Variants in MYT1L observed in about 807,000 individuals in gnomAD.
MYT1L encodes myelin transcription factor 1 like.
MYT1L carries 12 observed loss-of-function variants against 126.7 expected under a neutral mutation model. The observed-to-expected ratio is 0.09, with a 90% CI of 0.06 to 0.15. The LOEUF (loss-of-function observed/expected upper bound fraction) is 0.15, where lower values mean the gene tolerates loss of function less well. Ranked by LOEUF, MYT1L falls within the 10% of genes least tolerant of loss-of-function variation. The pLI is 1.00. For missense variants in MYT1L, 979 were observed against 1,585.2 expected (o/e 0.62, Z 6.49); for synonymous variants, 541 against 604.2 (o/e 0.90, Z 1.53).
chr2:1,966,033 C>A (rs1378550894), intron 8 of MYT1L, among the ~76,000 whole-genome samples: 1 of 152,248 alleles, frequency 6.6e-6, no homozygotes, highest in Non-Finnish European at 1.5e-5. Flanking sequence ...GGCCACCTAG[C>A]TCCCCTTTCA....
chr2:2,004,259 G>A (rs113430208), intron 4 of MYT1L, among the ~76,000 whole-genome samples: 3,927 of 72,804 alleles, frequency 0.054, 226 homozygotes, highest in African/African-American at 0.15. Context: ...TCCTGCAGGC[G>A]TTCTTTCCTG....
rs1307686612 is a variant in MYT1L, at chr2:1,848,675, TTA to T, written c.2774+2964_2774+2965del. Among the ~76,000 whole-genome samples the T allele has an allele frequency of 2.6e-5, 4 of 152,186 alleles. No homozygotes were observed. The highest frequency in any genetic ancestry group is 4.8e-5 in the African/African-American group (2 of 41,442). On this transcript the variant is annotated intron_variant, in intron 19 of 24. Transcript: ENST00000647738. The surrounding 1 kb of genome is among the most constrained non-coding windows in gnomAD (Gnocchi z 4.8). ...CTGGCCACCAAGAGCCAACAGACCT[TTA>T]AGAGTTTCCTTGTTTGCTTGTTGGC... is the stretch of plus-strand genomic sequence containing the variant.
intron 5 of MYT1L, among the ~76,000 whole-genome samples, chr2:1,980,842 A>G (rs2060553775): frequency 2.6e-5 from 4 of 152,130 alleles, no homozygotes. Context: ...GTGTTTGCAC[A>G]TGGCAAACTG....
intron 2 of MYT1L, among the ~76,000 whole-genome samples, chr2:2,196,656 T>C (rs2092812590): frequency 6.6e-6 from 1 of 152,120 alleles, no homozygotes; most frequent in African/African-American, 2.4e-5. Flanking sequence ...AATTTCATTG[T>C]GTTTTTGTAA....
chr2:2,012,740 C>A (rs1283581722), intron 4 of MYT1L, among the ~76,000 whole-genome samples: 2 of 152,152 alleles, frequency 1.3e-5, no homozygotes, highest in African/African-American at 4.8e-5. Flanking sequence ...TTGTCCAGTG[C>A]GTCCGTCCAC....
chr2:2,135,937 C>A (rs192148523), intron 3 of MYT1L, among the ~76,000 whole-genome samples: 1 of 152,304 alleles, frequency 6.6e-6, no homozygotes. Context: ...ATGTTTACTG[C>A]AGCACTATTT....
intron 8 of MYT1L, among the ~76,000 whole-genome samples, chr2:1,964,044 G>T (rs1217306022): frequency 2.0e-5 from 3 of 152,134 alleles, no homozygotes; most frequent in Non-Finnish European, 4.4e-5. Flanking sequence ...TCCAGCTTTT[G>T]ATTTAAAGTG....
intron 9 of MYT1L, among the ~76,000 whole-genome samples, chr2:1,925,896 G>A (rs1359459450): frequency 1.3e-5 from 2 of 152,152 alleles, no homozygotes; most frequent in Non-Finnish European, 2.9e-5. Context: ...CCCTTTGTCA[G>A]ATCTCCTACA....
intron 18 of MYT1L, among the ~76,000 whole-genome samples, chr2:1,860,609 C>A (rs1224643163): frequency 2.6e-5 from 4 of 152,186 alleles, no homozygotes; most frequent in Admixed American, 2.0e-4. Context: ...ACATTTTATG[C>A]AGCTTGTTGC....
Position 1,922,731 on chromosome 2 carries a change from C to T in MYT1L, c.1038G>A (p.Pro346=), listed in dbSNP as rs368693343. The change falls in exon 10 of 25, where the codon CCG becomes CCA. Residue 346 remains proline, a synonymous_variant. Transcript: ENST00000647738. This position sits in a 1 kb window ranked among gnomAD's most constrained non-coding sequence, Gnocchi z 7.4. The part of the protein sequence containing the change: ...DLARKLSETN[P]QERNPQQNMN... ...TGTTCTGCTGCGGATTCCTCTCCTG[C>T]GGGTTGGTCTCACTGAGCTTCCTGG... 4.5e-5 allele frequency: 72 copies of T among 1,613,806 alleles called. No homozygotes were observed. Among genetic ancestry groups the T allele is most frequent in the East Asian group, 4.5e-5 (2 of 44,872 alleles).
At chr2:2,106,404 G>A (rs952856210) in intron 3 of MYT1L, among the ~76,000 whole-genome samples, 2 of 152,094 alleles carry the variant, frequency 1.3e-5, no homozygotes, top group Non-Finnish European at 2.9e-5. Flanking sequence ...GATCACTTGA[G>A]GTCAGGAGTT....
intron 1 of MYT1L, among the ~76,000 whole-genome samples, chr2:2,299,208 T>C (rs2095746584): frequency 6.6e-6 from 1 of 152,084 alleles, no homozygotes; most frequent in South Asian, 2.1e-4. Flanking sequence ...AAGGCTTGGG[T>C]TCCTCTCCAG....
intron 4 of MYT1L, among the ~76,000 whole-genome samples, chr2:2,013,755 GC>G (rs1325890764): frequency 6.6e-6 from 1 of 152,228 alleles, no homozygotes; most frequent in African/African-American, 2.4e-5. Context: ...AGCCCTGCTG[GC>G]CCAGGTGGGC....
intron 2 of MYT1L, among the ~76,000 whole-genome samples, chr2:2,174,590 T>A (rs752101962): frequency 6.6e-6 from 1 of 150,646 alleles, no homozygotes; most frequent in Non-Finnish European, 1.5e-5. Context: ...CGCAGTTTGA[T>A]GAGGATGAAT....
chr2:2,314,140 A>C (rs2096022662), intron 1 of MYT1L, among the ~76,000 whole-genome samples: 1 of 152,198 alleles, frequency 6.6e-6, no homozygotes, highest in Non-Finnish European at 1.5e-5. Flanking sequence ...TCCACCAACC[A>C]ATAAACTTCT....
At chr2:1,881,488 A>G (rs1310498660) in intron 18 of MYT1L, among the ~76,000 whole-genome samples, 1 of 151,760 alleles carries the variant, frequency 6.6e-6, no homozygotes, top group East Asian at 1.9e-4. Context: ...TCTCCTACTC[A>G]TTATGATAAA....
chr2:1,903,776 G>T (rs1474439646), intron 13 of MYT1L, among the ~76,000 whole-genome samples: 1 of 152,174 alleles, frequency 6.6e-6, no homozygotes, highest in Non-Finnish European at 1.5e-5. Flanking sequence ...TACCTAACTG[G>T]ACAATGAGGT....
At chr2:1,944,238 G>C (rs905617698) in intron 8 of MYT1L, among the ~76,000 whole-genome samples, 1 of 151,602 alleles carries the variant, frequency 6.6e-6, no homozygotes, top group Non-Finnish European at 1.5e-5. Context: ...CCGCTTCCCC[G>C]ACCCCACGAC....
At chr2:2,049,098 A>T (rs967270695) in intron 4 of MYT1L, among the ~76,000 whole-genome samples, 1 of 152,258 alleles carries the variant, frequency 6.6e-6, no homozygotes, top group African/African-American at 2.4e-5. Flanking sequence ...ATCACTCTGA[A>T]AACAATTGAA....
Sources: allele counts gnomAD v4.1 joint callset (sites outside exome capture counted in the v4.1 genomes callset), GRCh38; gene constraint gnomAD v4.1.1; non-coding constraint Gnocchi (gnomAD v3.1); transcripts MANE v1.5; gene names NCBI Gene and HGNC (gene_info 2026-07-23, HGNC 2026-07-21).